The following IGF2BP3 variants were observed in gnomAD, a reference collection of about 807,000 sequenced individuals.
IGF2BP3 encodes insulin like growth factor 2 mRNA binding protein 3.
A neutral mutation model predicts 73.8 loss-of-function variants in IGF2BP3; 9 were observed. The ratio of observed to expected loss-of-function variants is 0.12; its 90% confidence interval spans 0.07 to 0.21. The LOEUF is 0.21. IGF2BP3 is among the 10% of genes least tolerant of loss of function. The pLI, the probability that IGF2BP3 is intolerant of heterozygous loss-of-function variation, is 1.00. For synonymous variants in IGF2BP3, 258 were observed against 256.7 expected, an observed-to-expected ratio of 1.01 and a Z score of -0.05; for missense variants, 542 against 714.0, an observed-to-expected ratio of 0.76 and a Z score of 2.75.
chr7:23,418,965 A>T (rs1049267233), intron 2 of IGF2BP3, 141 bp from the exon 3 acceptor site: 1 of 576,892 alleles, frequency 1.7e-6, no homozygotes, highest in Non-Finnish European at 3.0e-6. Context: ...AATACAGCCC[A>T]AGAAGGAAAA....
At chr7:23,392,971 C>A (rs1786332614) in intron 3 of IGF2BP3, among the ~76,000 whole-genome samples, 2 of 152,140 alleles carry the variant, frequency 1.3e-5, no homozygotes, top group Non-Finnish European at 2.9e-5. Flanking sequence ...GCATATAACT[C>A]CCAATTGCTA....
chr7:23,406,970 G>A (rs927953553), intron 3 of IGF2BP3, among the ~76,000 whole-genome samples: 24 of 152,102 alleles, frequency 1.6e-4, no homozygotes, highest in African/African-American at 5.6e-4. Context: ...TGGAGACAGA[G>A]AAGCTCATTC....
chr7:23,377,622 C>T (rs1785769865), intron 3 of IGF2BP3, among the ~76,000 whole-genome samples: 1 of 152,146 alleles, frequency 6.6e-6, no homozygotes, highest in African/African-American at 2.4e-5. Flanking sequence ...TGGGTATACA[C>T]CCAAAAGAAC....
intron 12 of IGF2BP3, among the ~76,000 whole-genome samples, chr7:23,317,236 G>A (rs1293912026): frequency 6.6e-6 from 1 of 152,178 alleles, no homozygotes; most frequent in Non-Finnish European, 1.5e-5. Context: ...TATGGGCAGG[G>A]TCTAACAGAG....
intron 3 of IGF2BP3, among the ~76,000 whole-genome samples, chr7:23,382,438 G>A (rs1313688717): frequency 4.0e-5 from 6 of 151,428 alleles, no homozygotes; most frequent in East Asian, 1.9e-4. Context: ...CAACTGTATC[G>A]TAAGAGAAAT....
At chr7:23,381,476 G>A (rs1414590735) in intron 3 of IGF2BP3, among the ~76,000 whole-genome samples, 1 of 152,112 alleles carries the variant, frequency 6.6e-6, no homozygotes, top group African/African-American at 2.4e-5. Context: ...TTTTGAAGCT[G>A]GTTGACAGGT....
At chr7:23,466,103 C>A (rs541476831) in intron 2 of IGF2BP3, among the ~76,000 whole-genome samples, 2 of 151,718 alleles carry the variant, frequency 1.3e-5, no homozygotes, top group African/African-American at 4.8e-5. Flanking sequence ...ACTGCAACCT[C>A]CAGCTCCCCA....
chr7:23,344,258 T>C (rs965034280), intron 8 of IGF2BP3, among the ~76,000 whole-genome samples: 2 of 152,206 alleles, frequency 1.3e-5, no homozygotes, highest in Non-Finnish European at 2.9e-5. Flanking sequence ...ATGTTCCTAG[T>C]CTGTATTAAC....
At chr7:23,425,985 A>AC (rs1029347410) in intron 2 of IGF2BP3, among the ~76,000 whole-genome samples, 29 of 151,032 alleles carry the variant, frequency 1.9e-4, no homozygotes, top group Non-Finnish European at 3.4e-4. Flanking sequence ...AAACAAAAAA[A>AC]CCCTGACTTT....
chr7:23,313,882 T>C (rs937497206), intron 12 of IGF2BP3, among the ~76,000 whole-genome samples: 6 of 152,220 alleles, frequency 3.9e-5, no homozygotes, highest in African/African-American at 1.2e-4. Flanking sequence ...GAAAGAAGGA[T>C]AAACCATATT....
chr7:23,317,058 G>A (rs1328673897), intron 12 of IGF2BP3, among the ~76,000 whole-genome samples: 1 of 152,202 alleles, frequency 6.6e-6, no homozygotes, highest in Non-Finnish European at 1.5e-5. Flanking sequence ...CAGCCTGGCT[G>A]CCAAGTCTCA....
At chr7:23,425,973 A>G (rs1306784935) in intron 2 of IGF2BP3, among the ~76,000 whole-genome samples, 2 of 139,520 alleles carry the variant, frequency 1.4e-5, no homozygotes, top group African/African-American at 5.0e-5. Context: ...CTCAAAAAAA[A>G]CAAACAAAAA....
At chr7:23,324,026 A>C (rs566998808) in intron 10 of IGF2BP3, among the ~76,000 whole-genome samples, 138 of 152,206 alleles carry the variant, frequency 9.1e-4, no homozygotes, top group Middle Eastern at 3.4e-3. Context: ...AAAGCAAGAG[A>C]AAACACATTC....
chr7:23,433,818 T>C (rs1787745618), intron 2 of IGF2BP3, among the ~76,000 whole-genome samples: 1 of 152,202 alleles, frequency 6.6e-6, no homozygotes. Flanking sequence ...CTTATGCCTA[T>C]AAACCCAGCA....
rs373770520 is a variant in IGF2BP3, at chr7:23,312,311, A to T, written c.*51T>A. On this transcript the variant is annotated 3_prime_UTR_variant, in exon 15 of 15. Transcript: ENST00000258729. ...TCAGCGCCCATCTGTTGGTTAAGCA[A>T]TCTGTCTTTGGTTTGGCATCTGCCT... is the stretch of plus-strand genomic sequence containing the variant. 2.3e-6 allele frequency: 3 copies of T among 1,313,226 alleles called. No homozygotes were observed. The highest frequency in any genetic ancestry group is 5.1e-4 in the Middle Eastern group (2 of 3,884). 81.3% of individuals were successfully genotyped at this position (1,313,226 alleles called of 1,614,324 possible).
chr7:23,443,060 T>C (rs1355725789), intron 2 of IGF2BP3, among the ~76,000 whole-genome samples: 1 of 149,718 alleles, frequency 6.7e-6, no homozygotes, highest in Non-Finnish European at 1.5e-5. Flanking sequence ...CAACCAAAAG[T>C]AAACCGTATC....
intron 6 of IGF2BP3, among the ~76,000 whole-genome samples, chr7:23,350,260 G>C (rs949284457): frequency 3.9e-5 from 6 of 152,108 alleles, no homozygotes; most frequent in African/African-American, 1.2e-4. Context: ...TTTAGAGAAA[G>C]ATTAAGCTTA....
At chr7:23,313,477 G>A (rs1318924964) in intron 13 of IGF2BP3, 45 bp downstream of exon 13, 9 of 1,598,738 alleles carry the variant, frequency 5.6e-6, no homozygotes, top group Middle Eastern at 1.7e-4. Context: ...ACCTTTCAAC[G>A]CTTTCCCTTT....
At chr7:23,385,955 T>C (rs557935664) in intron 3 of IGF2BP3, among the ~76,000 whole-genome samples, 1 of 152,342 alleles carries the variant, frequency 6.6e-6, no homozygotes, top group South Asian at 2.1e-4. Context: ...ATTTTTTATA[T>C]GTGATGATAT....
Sources: allele counts gnomAD v4.1 joint callset (sites outside exome capture counted in the v4.1 genomes callset), GRCh38; gene constraint gnomAD v4.1.1; transcripts MANE v1.5; gene names NCBI Gene and HGNC (gene_info 2026-07-23, HGNC 2026-07-21).